ADGRL3: variants seen among roughly 807,000 people sequenced by gnomAD.
ADGRL3 encodes adhesion G protein-coupled receptor L3.
Under a neutral mutation model 153.5 loss-of-function variants are expected in ADGRL3, and 62 were observed. The observed-to-expected ratio is 0.40, with a 90% CI of 0.33 to 0.50. ADGRL3 has a LOEUF of 0.50. Ranked by LOEUF, ADGRL3 falls within the 20% of genes least tolerant of loss-of-function variation. The pLI is 0.47. For missense variants in ADGRL3, 1,641 were observed against 1,859.4 expected (o/e 0.88, Z 2.16); for synonymous variants, 710 against 672.5 (o/e 1.06, Z -0.86).
chr4:61,379,344 T>C (rs1006870083), intron 1 of ADGRL3, among the ~76,000 whole-genome samples: 1 of 152,024 alleles, frequency 6.6e-6, no homozygotes, highest in African/African-American at 2.4e-5. Flanking sequence ...AAAATTGAAA[T>C]GATGGATATG....
chr4:61,495,147 C>A (rs749257061), intron 2 of ADGRL3, among the ~76,000 whole-genome samples: 1 of 151,952 alleles, frequency 6.6e-6, no homozygotes, highest in African/African-American at 2.4e-5. Context: ...AATGACTTGC[C>A]CAACGTAGTA....
intron 5 of ADGRL3, among the ~76,000 whole-genome samples, chr4:61,660,069 C>T (rs1214810874): frequency 2.0e-5 from 3 of 152,120 alleles, no homozygotes; most frequent in Admixed American, 6.6e-5. Context: ...AACCAAATGC[C>T]AAACACGATG....
At chr4:61,710,424 A>T (rs576776965) in intron 6 of ADGRL3, among the ~76,000 whole-genome samples, 13 of 152,188 alleles carry the variant, frequency 8.5e-5, no homozygotes, top group African/African-American at 3.1e-4. Flanking sequence ...TCTCTAAGAG[A>T]TTCTTACTTG....
chr4:62,057,327 A>C (rs1476763644), intron 25 of ADGRL3, among the ~76,000 whole-genome samples: 1 of 152,172 alleles, frequency 6.6e-6, no homozygotes, highest in African/African-American at 2.4e-5. Context: ...TTTTCATAAG[A>C]AAAGAAATAT....
intron 8 of ADGRL3, among the ~76,000 whole-genome samples, chr4:61,789,127 T>A (rs1430796481): frequency 6.6e-6 from 1 of 152,188 alleles, no homozygotes; most frequent in African/African-American, 2.4e-5. Flanking sequence ...TAGATTTTTT[T>A]TACTTATTTT....
At chr4:61,333,014 G>C (rs2095604677) in intron 1 of ADGRL3, among the ~76,000 whole-genome samples, 1 of 152,038 alleles carries the variant, frequency 6.6e-6, no homozygotes, top group Non-Finnish European at 1.5e-5. Flanking sequence ...TCTGTTTCAG[G>C]GAAATGAAGC....
chr4:62,047,357 T>C (rs745362234), intron 25 of ADGRL3, among the ~76,000 whole-genome samples: 2 of 152,064 alleles, frequency 1.3e-5, no homozygotes, highest in Non-Finnish European at 2.9e-5. Context: ...ATTTTGTATG[T>C]CTTATCATCT....
At chr4:61,590,529 G>A (rs1462136907) in intron 5 of ADGRL3, among the ~76,000 whole-genome samples, 1 of 152,036 alleles carries the variant, frequency 6.6e-6, no homozygotes, top group Non-Finnish European at 1.5e-5. Flanking sequence ...TTGTTAACCA[G>A]CACTTGAAAG....
intron 1 of ADGRL3, among the ~76,000 whole-genome samples, chr4:61,315,539 A>G (rs1396277979): frequency 5.3e-5 from 8 of 152,166 alleles, no homozygotes; most frequent in Non-Finnish European, 1.0e-4. Flanking sequence ...GTTAAAAAGT[A>G]TAGCTCACGT....
chr4:61,591,656 A>G (rs2098969716), intron 5 of ADGRL3, among the ~76,000 whole-genome samples: 1 of 152,098 alleles, frequency 6.6e-6, no homozygotes, highest in South Asian at 2.1e-4. Flanking sequence ...TGAGTTTTCT[A>G]TCAAGTATAG....
At chr4:61,910,600 T>C (rs1385086551) in intron 12 of ADGRL3, among the ~76,000 whole-genome samples, 1 of 151,878 alleles carries the variant, frequency 6.6e-6, no homozygotes, top group African/African-American at 2.4e-5. Flanking sequence ...GACTGGCATT[T>C]GTGTAGTAGA....
At chr4:62,035,667 A>C (rs1458335850) in intron 23 of ADGRL3, among the ~76,000 whole-genome samples, 1 of 152,110 alleles carries the variant, frequency 6.6e-6, no homozygotes, top group Non-Finnish European at 1.5e-5. Context: ...ACAAAGAAGG[A>C]GATAATTAAT....
chr4:61,699,723 A>T (rs1470392449), intron 6 of ADGRL3, among the ~76,000 whole-genome samples: 3 of 152,192 alleles, frequency 2.0e-5, no homozygotes, highest in African/African-American at 7.2e-5. Flanking sequence ...AAACATAATA[A>T]TTAATTCTAG....
Position 61,733,201 on chromosome 4 carries a change from A to G in ADGRL3, c.1046A>G (p.Asn349Ser). ...GLWVIYATEQ[N>S]NGKIVISQLN... ...TGGGTAATCTATGCAACAGAACAAA[A>G]CAATGGTAAAATTGTCATTAGTCAA... The change falls in exon 8 of 27, where the codon AAC (asparagine) becomes AGC (serine). Residue 349 changes from asparagine (N) to serine (S), a missense_variant. This residue lies in a region of ADGRL3 where 213 missense variants were observed against 362.1 expected (regional missense o/e 0.59). Transcript: ENST00000683033. The G allele has an allele frequency of 1.2e-6, 2 of 1,613,588 alleles. No homozygotes were observed. The highest frequency in any genetic ancestry group is 1.7e-6 in the Non-Finnish European group (2 of 1,179,752).
At chr4:61,384,760 A>G (rs1306010348) in intron 2 of ADGRL3, among the ~76,000 whole-genome samples, 1 of 152,060 alleles carries the variant, frequency 6.6e-6, no homozygotes. Flanking sequence ...TAAAGAAATG[A>G]AGTAACGATT....
chr4:61,582,339 C>T (rs1476014218), intron 4 of ADGRL3, among the ~76,000 whole-genome samples: 1 of 151,896 alleles, frequency 6.6e-6, no homozygotes, highest in Non-Finnish European at 1.5e-5. Context: ...GCTCTCCCTC[C>T]CCCCGCTCCT....
chr4:61,557,864 C>A lies in ADGRL3; in HGVS notation c.260-29363C>A, dbSNP rs141106840. Among the ~76,000 whole-genome samples the A allele has an allele frequency of 2.9e-3, 432 of 151,246 alleles. 1 individual carries two copies. The highest frequency in any genetic ancestry group is 9.8e-3 in the African/African-American group (406 of 41,258). ...CAAAGTATATTAGAGAACTATGGCC[C>A]CAGCAGTTTTCATAAGAAGGGAATA... is the stretch of plus-strand genomic sequence containing the variant. On this transcript the variant is annotated intron_variant, in intron 4 of 26. Transcript: ENST00000683033.
chr4:61,568,948 T>G (rs1356987215), intron 4 of ADGRL3, among the ~76,000 whole-genome samples: 1 of 152,162 alleles, frequency 6.6e-6, no homozygotes, highest in Non-Finnish European at 1.5e-5. Flanking sequence ...GGTTGCATAA[T>G]GAAGTCAGTT....
At chr4:61,511,721 T>A (rs909682574) in intron 3 of ADGRL3, among the ~76,000 whole-genome samples, 1 of 152,162 alleles carries the variant, frequency 6.6e-6, no homozygotes, top group South Asian at 2.1e-4. Flanking sequence ...AGGTATACCA[T>A]AAAATTGGCT....
Sources: gnomAD v4.1 joint callset for allele counts (sites outside exome capture counted in the v4.1 genomes callset) on GRCh38, gnomAD v4.1.1 for gene constraint, gnomAD v4.1.1 regional missense constraint, MANE v1.5 for transcripts, NCBI Gene and HGNC (gene_info 2026-07-23, HGNC 2026-07-21) for gene names.